The following GREB1L variants were observed in gnomAD, a reference collection of about 807,000 sequenced individuals.
GREB1L encodes the protein GREB1 like retinoic acid receptor coactivator, also known as GREB1-like protein.
In GREB1L, 17 loss-of-function variants were observed where a neutral mutation model predicts 200.8. The observed-to-expected ratio is 0.08, with a 90% CI of 0.06 to 0.13. The LOEUF (loss-of-function observed/expected upper bound fraction) is 0.13, where lower values mean the gene tolerates loss of function less well. GREB1L is among the 10% of genes least tolerant of loss of function. The pLI, the probability that GREB1L is intolerant of heterozygous loss-of-function variation, is 1.00. For missense variants in GREB1L, 1,657 were observed against 2,367.7 expected, an observed-to-expected ratio of 0.70 and a Z score of 6.23; for synonymous variants, 789 against 893.0, an observed-to-expected ratio of 0.88 and a Z score of 2.08.
chr18:21,300,837 A>T (rs2038606551), intron 1 of GREB1L, among the ~76,000 whole-genome samples: 1 of 151,942 alleles, frequency 6.6e-6, no homozygotes. Flanking sequence ...GGGGGGAGGG[A>T]GGCTGCCTAT....
chr18:21,320,234 G>A (rs568943291), intron 1 of GREB1L, among the ~76,000 whole-genome samples: 7 of 152,094 alleles, frequency 4.6e-5, no homozygotes, highest in Non-Finnish European at 8.8e-5. Context: ...GAGAAAATTG[G>A]TAAATGAAGA....
At chr18:21,426,884 G>A (rs912358216) in intron 7 of GREB1L, among the ~76,000 whole-genome samples, 8 of 150,948 alleles carry the variant, frequency 5.3e-5, no homozygotes, top group Non-Finnish European at 8.9e-5. Flanking sequence ...GCGTGAACCC[G>A]GGAGGCAGAG....
chr18:21,427,351 A>G (rs1297094199), intron 7 of GREB1L, among the ~76,000 whole-genome samples: 3 of 152,048 alleles, frequency 2.0e-5, no homozygotes, highest in East Asian at 1.9e-4. Context: ...AAGAAATACA[A>G]AAAATTAGCC....
At chr18:21,482,085 A>G (rs898010120) in intron 17 of GREB1L, among the ~76,000 whole-genome samples, 13 of 152,194 alleles carry the variant, frequency 8.5e-5, no homozygotes, top group African/African-American at 2.9e-4. Context: ...GGCTTTTCTG[A>G]TAATTTGGGT....
At chr18:21,337,822 T>TA (rs1010637686) in intron 1 of GREB1L, among the ~76,000 whole-genome samples, 10 of 151,828 alleles carry the variant, frequency 6.6e-5, no homozygotes, top group South Asian at 2.1e-4. Flanking sequence ...CCGTCTCTAC[T>TA]AAAAAATACA....
At chr18:21,262,332 G>A (rs1166958186) in intron 1 of GREB1L, among the ~76,000 whole-genome samples, 1 of 152,012 alleles carries the variant, frequency 6.6e-6, no homozygotes, top group Non-Finnish European at 1.5e-5. Flanking sequence ...AACTTCTGAG[G>A]CTTGGAGAAA....
intron 1 of GREB1L, among the ~76,000 whole-genome samples, chr18:21,311,706 G>A (rs2038793263): frequency 6.6e-6 from 1 of 151,984 alleles, no homozygotes; most frequent in South Asian, 2.1e-4. Context: ...ATATAACCTG[G>A]CTATATTAGG....
At chr18:21,328,733 C>A (rs533780675) in intron 1 of GREB1L, among the ~76,000 whole-genome samples, 160 of 151,948 alleles carry the variant, frequency 1.1e-3, no homozygotes, top group African/African-American at 3.8e-3. Flanking sequence ...AACTCCCAGA[C>A]ATAGAACTGG....
intron 27 of GREB1L, 24 bp downstream of exon 27, chr18:21,508,615 G>A (rs1406317840): frequency 1.9e-6 from 3 of 1,542,724 alleles, no homozygotes; most frequent in East Asian, 4.9e-5. Flanking sequence ...CTGGGATGGG[G>A]AGAAGGGCTT....
Position 21,515,490 on chromosome 18 carries a change from C to T in GREB1L, c.4975C>T (p.Pro1659Ser). The change falls in exon 29 of 33, where the codon CCA becomes TCA. Residue 1659 changes from proline to serine, a missense_variant. Physicochemically the swap from Pro to Ser is moderately conservative, Grantham distance 74. Transcript: ENST00000424526. ...TGTCTTGCAGCACATTGAAGCCACA[C>T]CAAAAATTGTCCACTATGCAATCTT... The part of the protein sequence containing the change: ...KTVLQHIEAT[P>S]KIVHYAILGI... 1 of 1,551,652 alleles carries T rather than the reference C, an allele frequency of 6.4e-7. No individual in the cohort carries two copies. Among genetic ancestry groups the T allele is most frequent in the South Asian group, 1.2e-5 (1 of 84,054 alleles).
intron 4 of GREB1L, among the ~76,000 whole-genome samples, chr18:21,386,594 T>C (rs944068784): frequency 6.5e-5 from 4 of 61,910 alleles, no homozygotes; most frequent in Non-Finnish European, 9.6e-5. Flanking sequence ...GGCCAGTAGC[T>C]TTTTTTTTTT....
chr18:21,268,307 C>G (rs1738964346), intron 1 of GREB1L, among the ~76,000 whole-genome samples: 1 of 151,282 alleles, frequency 6.6e-6, no homozygotes, highest in Non-Finnish European at 1.5e-5. Context: ...CAAGTAGACA[C>G]TAAAGAAGTA....
chr18:21,333,703 T>A (rs1033187622), intron 1 of GREB1L, among the ~76,000 whole-genome samples: 3 of 150,408 alleles, frequency 2.0e-5, no homozygotes, highest in Admixed American at 2.0e-4. Flanking sequence ...AATTCTAGTC[T>A]GGGTTTGGTG....
At chr18:21,345,555 C>G (rs567375620) in intron 1 of GREB1L, among the ~76,000 whole-genome samples, 1 of 152,110 alleles carries the variant, frequency 6.6e-6, no homozygotes, top group Non-Finnish European at 1.5e-5. Flanking sequence ...ACTGGGTTAC[C>G]TTTTCTGAAA....
intron 1 of GREB1L, among the ~76,000 whole-genome samples, chr18:21,327,341 C>T (rs1372341262): frequency 2.0e-5 from 3 of 152,150 alleles, no homozygotes; most frequent in African/African-American, 7.2e-5. Context: ...AGGCTTCCCT[C>T]CCTTCCTCAT....
Position 21,515,566 on chromosome 18 carries a change from C to T in GREB1L, c.5051C>T (p.Pro1684Leu), listed in dbSNP as rs1440898646. The change falls in exon 29 of 33, where the codon CCA becomes CTA. Residue 1684 changes from proline to leucine, a missense_variant. By Grantham distance (98) the Pro-to-Leu change is moderately conservative (BLOSUM62 -3). Around this residue, in one of 9 missense-constraint regions of GREB1L, gnomAD observed 151 missense variants for 309.6 expected, o/e 0.49. Coordinates refer to ENST00000424526, the MANE Select transcript of GREB1L (RefSeq NM_001142966.3). Reference protein sequence around the residue: ...SKLTSQSLKAPFSRCHVHDFI... With the variant: ...SKLTSQSLKALFSRCHVHDFI... ...CTGACTTCTCAGAGCCTAAAGGCCCCATTCTCTAGGTGTCACGTGCATGAT... is the reference window on the plus strand; with the variant it reads ...CTGACTTCTCAGAGCCTAAAGGCCCTATTCTCTAGGTGTCACGTGCATGAT... 9 of 1,551,690 alleles carry T rather than the reference C, an allele frequency of 5.8e-6. No individual in the cohort carries two copies. Among genetic ancestry groups the T allele is most frequent in the Non-Finnish European group, 7.0e-6 (8 of 1,146,958 alleles).
At chr18:21,406,479 G>A (rs954418818) in intron 7 of GREB1L, among the ~76,000 whole-genome samples, 2 of 152,160 alleles carry the variant, frequency 1.3e-5, no homozygotes, top group Non-Finnish European at 2.9e-5. Flanking sequence ...GTGATGCTTT[G>A]TATCTAAAAT....
intron 7 of GREB1L, among the ~76,000 whole-genome samples, chr18:21,428,252 C>T (rs947556753): frequency 9.1e-5 from 12 of 131,650 alleles, no homozygotes; most frequent in African/African-American, 3.2e-4. Flanking sequence ...TCGTCCAGAT[C>T]ATAGTTTGAT....
intron 13 of GREB1L, among the ~76,000 whole-genome samples, chr18:21,451,690 C>G (rs535361814): frequency 6.6e-6 from 1 of 151,800 alleles, no homozygotes; most frequent in Non-Finnish European, 1.5e-5. Context: ...GACTGGGTCT[C>G]CCTTTGTTGC....
Sources: allele counts gnomAD v4.1 joint callset (sites outside exome capture counted in the v4.1 genomes callset), GRCh38; gene constraint gnomAD v4.1.1; regional missense constraint gnomAD v4.1.1; transcripts MANE v1.5; gene names NCBI Gene and HGNC (gene_info 2026-07-23, HGNC 2026-07-21).